The following ERC2 variants were observed in gnomAD, a reference collection of about 807,000 sequenced individuals.
ERC2 encodes the protein ERC protein 2.
ERC2 carries 42 observed loss-of-function variants against 114.8 expected under a neutral mutation model. The ratio of observed to expected loss-of-function variants is 0.37; its 90% CI spans 0.29 to 0.47. ERC2 has a LOEUF of 0.47. Ranked by LOEUF, ERC2 falls within the 20% of genes least tolerant of loss-of-function variation. The pLI is 0.99. For synonymous variants in ERC2, 454 were observed against 425.5 expected (o/e 1.07, Z -0.82); for missense variants, 939 against 1,150.7 (o/e 0.82, Z 2.66).
chr3:55,594,252 C>T (rs2058034011), intron 17 of ERC2, among the ~76,000 whole-genome samples: 1 of 152,148 alleles, frequency 6.6e-6, no homozygotes, highest in Non-Finnish European at 1.5e-5. Flanking sequence ...TGTGCGGTGT[C>T]CTAAAGTATC....
At chr3:56,215,505 G>C (rs1242580480) in intron 3 of ERC2, among the ~76,000 whole-genome samples, 1 of 152,154 alleles carries the variant, frequency 6.6e-6, no homozygotes, top group Non-Finnish European at 1.5e-5. Flanking sequence ...AGTCCTTAGA[G>C]ACCTACAAAG....
intron 17 of ERC2, among the ~76,000 whole-genome samples, chr3:55,540,031 A>T (rs2054290959): frequency 1.3e-5 from 2 of 151,742 alleles, no homozygotes. Context: ...AAACAAAGAT[A>T]CTGAGGCCTA....
At chr3:56,323,758 A>C (rs1267458016) in intron 2 of ERC2, among the ~76,000 whole-genome samples, 1 of 152,174 alleles carries the variant, frequency 6.6e-6, no homozygotes, top group Non-Finnish European at 1.5e-5. Flanking sequence ...AGCCAGCCTC[A>C]ACTGCAGCAA....
chr3:56,059,341 G>A (rs146591090), intron 7 of ERC2, among the ~76,000 whole-genome samples: 121 of 152,124 alleles, frequency 8.0e-4, no homozygotes, highest in African/African-American at 2.8e-3. Flanking sequence ...TGCCCACCTC[G>A]GCCTCCCAAA....
chr3:55,877,388 G>T (rs989561587), intron 14 of ERC2, among the ~76,000 whole-genome samples: 1 of 152,188 alleles, frequency 6.6e-6, no homozygotes, highest in South Asian at 2.1e-4. Context: ...CAGGTCAGGC[G>T]TGCCTGGGCT....
chr3:55,736,621 A>G (rs2065651465), intron 14 of ERC2, among the ~76,000 whole-genome samples: 1 of 152,222 alleles, frequency 6.6e-6, no homozygotes. Flanking sequence ...TCAAGCTTCT[A>G]GAAGATCCCT....
At chr3:55,796,582 C>T (rs1007501678) in intron 14 of ERC2, among the ~76,000 whole-genome samples, 12 of 152,282 alleles carry the variant, frequency 7.9e-5, no homozygotes, top group African/African-American at 2.4e-4. Context: ...TGTGTCACTA[C>T]GCCCAGCTAA....
At chr3:55,687,099 G>T (rs2062373579) in intron 16 of ERC2, among the ~76,000 whole-genome samples, 1 of 152,134 alleles carries the variant, frequency 6.6e-6, no homozygotes, top group Non-Finnish European at 1.5e-5. Context: ...GCCCTAATGG[G>T]ATTCTGTAAA....
rs1575917874 is a variant in ERC2 at position 55,865,103 on chromosome 3, CT to C, written c.2564+23285del. Among the ~76,000 whole-genome samples the C allele has an allele frequency of 4.6e-5, 7 of 150,982 alleles. No individual in the cohort carries two copies. The East Asian group carries it at 1.4e-3, about 29-fold the overall frequency. ...TTTCTCTCTCATTTCTTGGGAACTA[CT>C]GAAAAAGCCCTTTGTATATATCTAG... On this transcript the variant is annotated intron_variant, in intron 14 of 17. Coordinates refer to ENST00000288221, the MANE Select transcript of ERC2 (RefSeq NM_015576.3).
intron 2 of ERC2, among the ~76,000 whole-genome samples, chr3:56,335,104 C>T (rs185791585): frequency 6.6e-6 from 1 of 152,290 alleles, no homozygotes; most frequent in Non-Finnish European, 1.5e-5. Flanking sequence ...TGCACCCAGC[C>T]TAAAATGCTA....
chr3:55,614,003 A>T (rs1235693945), intron 17 of ERC2, among the ~76,000 whole-genome samples: 1 of 150,802 alleles, frequency 6.6e-6, no homozygotes, highest in East Asian at 1.9e-4. Context: ...AAAAAAAAAA[A>T]AAAAAAAAAA....
At chr3:55,513,866 C>T (rs1271335343) in intron 17 of ERC2, among the ~76,000 whole-genome samples, 1 of 151,968 alleles carries the variant, frequency 6.6e-6, no homozygotes, top group Non-Finnish European at 1.5e-5. Context: ...AACTCTTGGG[C>T]TCAAGTGATC....
At chr3:56,050,646 T>C (rs557805507) in intron 7 of ERC2, among the ~76,000 whole-genome samples, 21 of 152,176 alleles carry the variant, frequency 1.4e-4, no homozygotes, top group Non-Finnish European at 2.8e-4. Context: ...CTACATCCTG[T>C]CCTTGACAAG....
At chr3:56,292,204 TG>T (rs1238775054) in intron 3 of ERC2, among the ~76,000 whole-genome samples, 1 of 152,120 alleles carries the variant, frequency 6.6e-6, no homozygotes, top group Non-Finnish European at 1.5e-5. Flanking sequence ...CACTTGGCAC[TG>T]CAACCCTTTT....
At chr3:56,298,326 T>G (rs185807019) in intron 2 of ERC2, among the ~76,000 whole-genome samples, 1 of 152,212 alleles carries the variant, frequency 6.6e-6, no homozygotes, top group African/African-American at 2.4e-5. Context: ...GTAGTGTGCA[T>G]CTGTACTTCG....
intron 13 of ERC2, among the ~76,000 whole-genome samples, chr3:55,896,153 C>T (rs192660857): frequency 6.6e-6 from 1 of 152,328 alleles, no homozygotes; most frequent in East Asian, 1.9e-4. Context: ...AGGCATCTCC[C>T]ACATGCCAGG....
Position 55,856,539 on chromosome 3 carries a change from C to T in ERC2, c.2564+31850G>A, listed in dbSNP as rs151133219. 8.6e-4 allele frequency among the ~76,000 whole-genome samples: 126 copies of T among 147,322 alleles called. 1 individual carries two copies. The highest frequency in any genetic ancestry group is 2.8e-3 in the African/African-American group (117 of 41,096). On this transcript the variant is annotated intron_variant, in intron 14 of 17. Transcript: ENST00000288221. ...ACATATATATACACACACATATACACATATATGTATAAAGACACACATGTA... is the reference window on the plus strand; with the variant it reads ...ACATATATATACACACACATATACATATATATGTATAAAGACACACATGTA...
intron 6 of ERC2, among the ~76,000 whole-genome samples, chr3:56,138,051 CTTTTTTT>C (rs920983143): frequency 3.7e-3 from 341 of 92,660 alleles, no homozygotes; most frequent in African/African-American, 0.013. Context: ...AATGGTATTT[CTTTTTTT>C]TTTTTTTTTT....
intron 2 of ERC2, among the ~76,000 whole-genome samples, chr3:56,312,652 G>A (rs2056647938): frequency 6.6e-6 from 1 of 150,446 alleles, no homozygotes; most frequent in African/African-American, 2.4e-5. Flanking sequence ...CACAATGCCA[G>A]TTCTAGGCAT....
Sources: allele counts gnomAD v4.1 joint callset (sites outside exome capture counted in the v4.1 genomes callset), GRCh38; gene constraint gnomAD v4.1.1; transcripts MANE v1.5; gene names NCBI Gene and HGNC (gene_info 2026-07-23, HGNC 2026-07-21).